SFXN5: variants seen among roughly 807,000 people sequenced by gnomAD.
SFXN5 encodes the protein sideroflexin-5.
A neutral mutation model predicts 50.2 loss-of-function variants in SFXN5; 43 were observed. The observed-to-expected ratio is 0.86, with a 90% CI of 0.67 to 1.11. SFXN5 has a LOEUF of 1.11. Among genes scored for constraint, SFXN5 ranks in the 50% least tolerant of loss-of-function variants. The pLI is 0.00. For synonymous variants in SFXN5, 203 were observed against 185.8 expected, an observed-to-expected ratio of 1.09 and a Z score of -0.75; for missense variants, 463 against 454.1, an observed-to-expected ratio of 1.02 and a Z score of -0.18.
chr2:72,965,840 C>A (rs1258125194), intron 12 of SFXN5, among the ~76,000 whole-genome samples: 3 of 152,220 alleles, frequency 2.0e-5, no homozygotes, highest in Non-Finnish European at 4.4e-5. Flanking sequence ...CCAGCAAATT[C>A]TTGCAGGACA....
chr2:73,024,621 G>A lies in SFXN5; in HGVS notation c.250-1407C>T, dbSNP rs993203907. ...GTGAACCATGATTGTGCCACAGCAC[G>A]CCAGCTTGGATGACAGCGTGAGAAC... On this transcript the variant is annotated intron_variant, in intron 3 of 13. Transcript: ENST00000272433. Among the ~76,000 whole-genome samples, 6 of 152,226 alleles carry A rather than the reference G, an allele frequency of 3.9e-5. No homozygotes were observed. In the South Asian group the frequency reaches 6.2e-4, roughly 16 times the overall value.
At chr2:73,003,727 T>C (rs757246909) in intron 6 of SFXN5, among the ~76,000 whole-genome samples, 1 of 152,218 alleles carries the variant, frequency 6.6e-6, no homozygotes, top group Non-Finnish European at 1.5e-5. Context: ...TGATTTATCT[T>C]TAGTGGCAAG....
At chr2:72,963,841 C>T (rs925948516) in intron 12 of SFXN5, among the ~76,000 whole-genome samples, 3 of 152,174 alleles carry the variant, frequency 2.0e-5, no homozygotes, top group African/African-American at 2.4e-5. Flanking sequence ...GCTTCCTCCT[C>T]AGCATGGTTG....
rs1673565587 is a variant in SFXN5, at chr2:72,960,251, T to C, written c.945+880A>G. 6.6e-6 allele frequency among the ~76,000 whole-genome samples: 1 copy of C among 151,996 alleles called. No homozygotes were observed. Among genetic ancestry groups the C allele is most frequent in the Admixed American group, 6.5e-5 (1 of 15,268 alleles). On this transcript the variant is annotated intron_variant, in intron 13 of 13. Coordinates refer to ENST00000272433, the MANE Select transcript of SFXN5 (RefSeq NM_144579.3). This position sits in a 1 kb window ranked among gnomAD's most constrained non-coding sequence, Gnocchi z 6.1. Reference sequence around the variant, plus strand: ...CCGCGTGTCCATCCAACTGACCCACTGCCCTCCCTCGAACCTGCCCCCGCC... The same window carrying C: ...CCGCGTGTCCATCCAACTGACCCACCGCCCTCCCTCGAACCTGCCCCCGCC...
intron 11 of SFXN5, among the ~76,000 whole-genome samples, chr2:72,968,823 GAC>G (rs1674803038): frequency 7.0e-6 from 1 of 143,208 alleles, no homozygotes; most frequent in Admixed American, 7.2e-5. Context: ...TTTTTTTTGA[GAC>G]AGAGTCTTGC....
At chr2:72,956,142 C>A (rs1673062400) in intron 13 of SFXN5, among the ~76,000 whole-genome samples, 1 of 152,224 alleles carries the variant, frequency 6.6e-6, no homozygotes, top group South Asian at 2.1e-4. Context: ...TGTTTGGGGA[C>A]AGGCTGGTGG....
rs1573910028 is a variant in SFXN5, at chr2:72,944,039, C to T, written c.*983G>A. 6.6e-6 allele frequency: 1 copy of T among 152,380 alleles called. No homozygotes were observed. The highest frequency in any genetic ancestry group is 2.1e-4 in the South Asian group (1 of 4,826). The allele number at this position is 152,380 out of a possible 1,614,324, so 9.4% of individuals were successfully genotyped here. On this transcript the variant is annotated 3_prime_UTR_variant, in exon 14 of 14. Transcript: ENST00000272433. The stretch of plus-strand genomic sequence containing the variant: ...GGCCTAGGCATTCTCAGGCATGAGA[C>T]CTTCCTGCTTAGAAAGGGATGGGAT...
intron 13 of SFXN5, among the ~76,000 whole-genome samples, chr2:72,958,193 G>A (rs534166523): frequency 2.0e-5 from 3 of 152,240 alleles, no homozygotes; most frequent in East Asian, 3.9e-4. Flanking sequence ...CTTCTAGACC[G>A]TTTCCTACCA....
intron 2 of SFXN5, among the ~76,000 whole-genome samples, chr2:73,055,579 ATTTCTTTTTTTTCTT>A (rs911707972): frequency 6.8e-6 from 1 of 147,924 alleles, no homozygotes; most frequent in Non-Finnish European, 1.5e-5. Flanking sequence ...AGAGGGGTGG[ATTTCTTTTTTTTCTT>A]TTTCTTTTTT....
chr2:73,032,564 G>C (rs1678454688), intron 3 of SFXN5, among the ~76,000 whole-genome samples: 1 of 151,858 alleles, frequency 6.6e-6, no homozygotes, highest in South Asian at 2.1e-4. Flanking sequence ...TAGAGTCCAA[G>C]GGAGGGGCAG....
chr2:73,020,185 T>C, intron 6 of SFXN5, 54 bp downstream of exon 6: 15 of 1,537,596 alleles, frequency 9.8e-6, no homozygotes, highest in Non-Finnish European at 1.2e-5. Context: ...AACATAAAGT[T>C]AGACATTTAA....
intron 1 of SFXN5, among the ~76,000 whole-genome samples, chr2:73,069,348 G>T (rs1290981520): frequency 2.0e-5 from 3 of 152,172 alleles, no homozygotes; most frequent in African/African-American, 7.2e-5. Context: ...GGACTTGAGA[G>T]CTGTGTAAGA....
At chr2:73,007,103 G>C (rs1674781090) in intron 6 of SFXN5, among the ~76,000 whole-genome samples, 1 of 152,176 alleles carries the variant, frequency 6.6e-6, no homozygotes, top group South Asian at 2.1e-4. Context: ...GCCAGAAGTG[G>C]AACATGAACA....
intron 10 of SFXN5, among the ~76,000 whole-genome samples, chr2:72,985,376 A>C (rs1284336183): frequency 1.3e-5 from 2 of 152,212 alleles, no homozygotes; most frequent in East Asian, 3.9e-4. Context: ...CCTGGGGATA[A>C]GGTGAAGAGA....
chr2:72,946,765 C>A (rs891617732), intron 13 of SFXN5, among the ~76,000 whole-genome samples: 1 of 152,154 alleles, frequency 6.6e-6, no homozygotes, highest in Non-Finnish European at 1.5e-5. Context: ...CTCATCCAGC[C>A]CAGTCCGTCC....
intron 10 of SFXN5, among the ~76,000 whole-genome samples, chr2:72,985,390 C>T (rs1671788893): frequency 6.6e-6 from 1 of 152,082 alleles, no homozygotes; most frequent in Non-Finnish European, 1.5e-5. Flanking sequence ...GAAGAGAGGC[C>T]AAGTACAGGG....
chr2:73,049,875 G>A (rs1681007406), intron 2 of SFXN5: 1 of 151,834 alleles, frequency 6.6e-6, no homozygotes, highest in South Asian at 2.1e-4. Context: ...TTCATCCTGA[G>A]GCAAATTTTC....
intron 1 of SFXN5, chr2:73,059,910 T>C (rs1249846566): frequency 1.2e-6 from 1 of 857,080 alleles, no homozygotes; most frequent in Non-Finnish European, 1.4e-6. Context: ...TGCTGCATTC[T>C]TTACAAAGGT....
intron 1 of SFXN5, among the ~76,000 whole-genome samples, chr2:73,067,637 A>T (rs886340837): frequency 6.6e-6 from 1 of 152,188 alleles, no homozygotes; most frequent in Non-Finnish European, 1.5e-5. Context: ...GTTCAATGAA[A>T]TGATGGGATG....
Sources: gnomAD v4.1 joint callset for allele counts (sites outside exome capture counted in the v4.1 genomes callset) on GRCh38, gnomAD v4.1.1 for gene constraint, Gnocchi (gnomAD v3.1) non-coding constraint, MANE v1.5 for transcripts, NCBI Gene and HGNC (gene_info 2026-07-23, HGNC 2026-07-21) for gene names.